The following FRMPD1 variants were observed in gnomAD, a reference collection of about 807,000 sequenced individuals.
The protein encoded by FRMPD1 is FERM and PDZ domain containing 1, also known as FERM and PDZ domain-containing protein 1.
In FRMPD1, 76 loss-of-function variants were observed where a neutral mutation model predicts 117.8. The ratio of observed to expected loss-of-function variants is 0.65; its 90% CI spans 0.54 to 0.78. The LOEUF is 0.78. Among genes scored for constraint, FRMPD1 ranks in the 30% least tolerant of loss-of-function variants. The pLI, the probability that FRMPD1 is intolerant of heterozygous loss-of-function variation, is 0.00. For synonymous variants in FRMPD1, 783 were observed against 770.4 expected (o/e 1.02, Z -0.27); for missense variants, 1,786 against 1,964.5 (o/e 0.91, Z 1.72).
At chr9:37,655,088 C>G (rs572022815) in intron 1 of FRMPD1, among the ~76,000 whole-genome samples, 2 of 152,190 alleles carry the variant, frequency 1.3e-5, no homozygotes, top group Non-Finnish European at 2.9e-5. Context: ...TGGCTGTGCC[C>G]GCTTGCTGCG....
At chr9:37,721,104 A>G (rs576178791) in intron 6 of FRMPD1, among the ~76,000 whole-genome samples, 1 of 152,312 alleles carries the variant, frequency 6.6e-6, no homozygotes, top group Admixed American at 6.5e-5. Context: ...TTTCACCTGA[A>G]CTGGCTACAG....
At chr9:37,692,860 A>G (rs1822192395) in intron 2 of FRMPD1, 118 bp downstream of exon 2, 1 of 766,882 alleles carries the variant, frequency 1.3e-6, no homozygotes, top group South Asian at 1.5e-5. Flanking sequence ...TTGTTCTTAC[A>G]CCATATGGTG....
chr9:37,625,083 G>A, the FRMPD1 span, among the ~76,000 whole-genome samples: 801 of 152,284 alleles, frequency 5.3e-3, 6 homozygotes, highest in African/African-American at 0.019. Flanking sequence ...GACATCATTA[G>A]TAGCTTTGAC....
At chr9:37,731,181 C>T (rs1406898403) in intron 9 of FRMPD1, 78 bp downstream of exon 9, 21 of 1,316,752 alleles carry the variant, frequency 1.6e-5, no homozygotes, top group East Asian at 9.3e-5. Context: ...AACGTGAGCT[C>T]GAGGCCATTA....
At chr9:37,717,237 GT>G (rs1421604129) in intron 5 of FRMPD1, among the ~76,000 whole-genome samples, 1 of 151,128 alleles carries the variant, frequency 6.6e-6, no homozygotes, top group Non-Finnish European at 1.5e-5. Flanking sequence ...CATATTGGCT[GT>G]TAGTGATCAC....
At chr9:37,724,688 C>G (rs1823547218) in intron 7 of FRMPD1, among the ~76,000 whole-genome samples, 1 of 152,210 alleles carries the variant, frequency 6.6e-6, no homozygotes, top group Non-Finnish European at 1.5e-5. Flanking sequence ...GGTGAGATGT[C>G]AGGAAAGGCC....
intron 15 of FRMPD1, among the ~76,000 whole-genome samples, chr9:37,743,247 T>A (rs558890304): frequency 5.4e-4 from 82 of 152,314 alleles, no homozygotes; most frequent in Admixed American, 1.3e-3. Context: ...TTTTAGTGAA[T>A]ACCTAATGAG....
At chr9:37,743,918 G>A (rs909103056) in intron 15 of FRMPD1, among the ~76,000 whole-genome samples, 1 of 149,254 alleles carries the variant, frequency 6.7e-6, no homozygotes, top group African/African-American at 2.5e-5. Flanking sequence ...AAAAAAAGTC[G>A]GCCAGGCGCG....
intron 6 of FRMPD1, among the ~76,000 whole-genome samples, chr9:37,721,799 A>G (rs1042744324): frequency 6.6e-6 from 1 of 152,246 alleles, no homozygotes; most frequent in Admixed American, 6.5e-5. Context: ...AACTCAATAG[A>G]ATATTATAAA....
At chr9:37,731,859 C>T (rs537583844) in intron 9 of FRMPD1, among the ~76,000 whole-genome samples, 4 of 150,470 alleles carry the variant, frequency 2.7e-5, no homozygotes, top group South Asian at 2.1e-4. Flanking sequence ...GGTGACAGAG[C>T]GGGATTCTGT....
intron 1 of FRMPD1, among the ~76,000 whole-genome samples, chr9:37,656,500 A>G (rs1419080530): frequency 3.3e-5 from 5 of 152,242 alleles, no homozygotes; most frequent in Non-Finnish European, 1.5e-5. Flanking sequence ...GCTTTCAAAC[A>G]CCAAATATAC....
intron 8 of FRMPD1, 102 bp downstream of exon 8, chr9:37,729,955 G>C (rs1374930758): frequency 8.0e-7 from 1 of 1,242,750 alleles, no homozygotes; most frequent in East Asian, 2.4e-5. Flanking sequence ...CTGCAGGTTT[G>C]ATGCACTTTC....
rs1381583161 is a variant in FRMPD1, at chr9:37,746,290, G to A, written c.4258G>A (p.Glu1420Lys). Residue 1420 changes from glutamate (E) to lysine (K), a missense_variant, in exon 16 of 16, where the codon GAG becomes AAG. By Grantham distance (56) the Glu-to-Lys change is moderately conservative. Coordinates refer to ENST00000377765, the MANE Select transcript of FRMPD1 (RefSeq NM_014907.3). ...QLKATPASTP[E>K]GFIQLMESLL... ...GAAAGCCACCCCTGCCAGCACCCCTGAGGGCTTCATCCAACTCATGGAGAG... is the reference window on the plus strand; with the variant it reads ...GAAAGCCACCCCTGCCAGCACCCCTAAGGGCTTCATCCAACTCATGGAGAG... 1 of 1,612,772 alleles carries A rather than the reference G, an allele frequency of 6.2e-7. No individual in the cohort carries two copies. Among genetic ancestry groups the A allele is most frequent in the Non-Finnish European group, 8.5e-7 (1 of 1,179,800 alleles).
the FRMPD1 span, among the ~76,000 whole-genome samples, chr9:37,637,961 ATGCTTTCTTTCT>A: frequency 2.6e-5 from 2 of 76,102 alleles, no homozygotes; most frequent in African/African-American, 5.5e-5. Flanking sequence ...AAAATGGTGT[ATGCTTTCTTTCT>A]TTCTTTCTTT....
At chr9:37,612,987 C>G in the FRMPD1 span, among the ~76,000 whole-genome samples, 49 of 152,290 alleles carry the variant, frequency 3.2e-4, no homozygotes, top group Middle Eastern at 3.4e-3. Context: ...ATGGGAAGAA[C>G]TTTAATGGCT....
rs565164835 is a variant in FRMPD1, at chr9:37,652,241, G to C, written c.-5+1147G>C. ...TTGTTTCTAGTCTAAGATGATGGTT[G>C]AGATGATTTCCAATCAAGACAATTT... On this transcript the variant is annotated intron_variant, in intron 1 of 15. Coordinates refer to ENST00000377765, the MANE Select transcript of FRMPD1 (RefSeq NM_014907.3). Among the ~76,000 whole-genome samples the C allele has an allele frequency of 5.9e-5, 9 of 152,326 alleles. No homozygotes were observed. The South Asian group carries it at 1.9e-3, about 32-fold the overall frequency.
intron 15 of FRMPD1, among the ~76,000 whole-genome samples, chr9:37,741,450 GACACACACACACACACACACACAC>G (rs56971939): frequency 7.4e-5 from 10 of 135,738 alleles, no homozygotes; most frequent in Admixed American, 1.5e-4. Flanking sequence ...ATCCTGGCAG[GACACACACACACACACACACACAC>G]ACACACACAC....
chr9:37,647,110 T>C (rs1234208202), upstream of FRMPD1, among the ~76,000 whole-genome samples: 1 of 152,040 alleles, frequency 6.6e-6, no homozygotes, highest in East Asian at 1.9e-4. Context: ...CACATAGCAA[T>C]ATGAGAAATT....
At chr9:37,633,217 TTTAGTAGAGACAGTGGTTTCACCATGTTG>T in the FRMPD1 span, among the ~76,000 whole-genome samples, 4 of 151,846 alleles carry the variant, frequency 2.6e-5, no homozygotes, top group Non-Finnish European at 4.4e-5. Context: ...TTTTCATATT[TTTAGTAGAGACAGTGGTTTCACCATGTTG>T]GTCAGGCTGG....
Sources: allele counts gnomAD v4.1 joint callset (sites outside exome capture counted in the v4.1 genomes callset), GRCh38; gene constraint gnomAD v4.1.1; transcripts MANE v1.5; gene names NCBI Gene and HGNC (gene_info 2026-07-23, HGNC 2026-07-21).